Variants in FAM114A1 observed in about 807,000 individuals in gnomAD.
FAM114A1 encodes the protein protein NOXP20.
A neutral mutation model predicts 64.3 loss-of-function variants in FAM114A1; 62 were observed. The observed-to-expected ratio is 0.96, with a 90% CI of 0.79 to 1.19. The LOEUF (loss-of-function observed/expected upper bound fraction) is 1.19. FAM114A1 is among the 50% of genes most tolerant of loss of function. FAM114A1 has a pLI of 0.00. For synonymous variants in FAM114A1, 254 were observed against 251.1 expected, an observed-to-expected ratio of 1.01 and a Z score of -0.11; for missense variants, 645 against 676.3, an observed-to-expected ratio of 0.95 and a Z score of 0.51.
At chr4:38,882,219 G>A (rs1715347618) in intron 3 of FAM114A1, among the ~76,000 whole-genome samples, 1 of 143,604 alleles carries the variant, frequency 7.0e-6, no homozygotes, top group African/African-American at 2.6e-5. Context: ...GGCTGAGGCA[G>A]GAGAATGGCG....
At chr4:38,924,352 C>T (rs28590619) in intron 9 of FAM114A1, among the ~76,000 whole-genome samples, 29,109 of 152,158 alleles carry the variant, frequency 0.19, 3,050 homozygotes, top group Middle Eastern at 0.3. Flanking sequence ...TTATTATGCT[C>T]GTTGTTATTA....
In FAM114A1 at chr4:38,895,164, G is replaced by A. The variant is rs577213557; in HGVS notation, c.436+3334G>A. ...GCCCAGAGTCGAAGATGAGGCCAGT[G>A]GCTCTGCCAGCTGCTCAGCTGGCAC... On this transcript the variant is annotated intron_variant, in intron 4 of 14. Coordinates refer to ENST00000358869, the MANE Select transcript of FAM114A1 (RefSeq NM_138389.4). Among the ~76,000 whole-genome samples, 3 of 152,326 alleles carry A rather than the reference G, an allele frequency of 2.0e-5. No homozygotes were observed. The East Asian group carries it at 5.8e-4, about 29-fold the overall frequency.
chr4:38,879,990 C>T (rs1715045702), intron 3 of FAM114A1, among the ~76,000 whole-genome samples: 1 of 151,780 alleles, frequency 6.6e-6, no homozygotes, highest in African/African-American at 2.4e-5. Context: ...CACCTGAACC[C>T]AGGTGGTCAA....
chr4:38,890,369 C>T (rs1716217546), intron 3 of FAM114A1, among the ~76,000 whole-genome samples: 1 of 150,320 alleles, frequency 6.7e-6, no homozygotes, highest in Non-Finnish European at 1.5e-5. Flanking sequence ...CACCACTGCA[C>T]TCCAGCCTGG....
At chr4:38,889,752 C>G (rs922101900) in intron 3 of FAM114A1, among the ~76,000 whole-genome samples, 8 of 152,194 alleles carry the variant, frequency 5.3e-5, no homozygotes, top group Non-Finnish European at 1.0e-4. Context: ...GCATTTGAAT[C>G]AGTTAGGAAT....
intron 2 of FAM114A1, among the ~76,000 whole-genome samples, chr4:38,870,047 G>A (rs56088957): frequency 0.22 from 32,848 of 152,054 alleles, 4,227 homozygotes; most frequent in Non-Finnish European, 0.28. Flanking sequence ...CTTTACAGAG[G>A]AGCAGGTGTA....
At chr4:38,928,455 A>G (rs1411651348) in intron 9 of FAM114A1, among the ~76,000 whole-genome samples, 2 of 152,108 alleles carry the variant, frequency 1.3e-5, no homozygotes, top group Non-Finnish European at 2.9e-5. Flanking sequence ...TAATTTTTTT[A>G]TTTTATGATA....
intron 7 of FAM114A1, 149 bp from the exon 8 acceptor site, chr4:38,914,772 C>A (rs540828657): frequency 2.3e-4 from 193 of 843,704 alleles, no homozygotes; most frequent in Middle Eastern, 1.9e-3. Context: ...TAGGATCAAT[C>A]AAAAAAATCA....
intron 4 of FAM114A1, among the ~76,000 whole-genome samples, chr4:38,904,119 A>G (rs1717769514): frequency 6.6e-6 from 1 of 152,090 alleles, no homozygotes; most frequent in African/African-American, 2.4e-5. Context: ...GTTTTTCCTC[A>G]TATTACTGCC....
intron 8 of FAM114A1, among the ~76,000 whole-genome samples, chr4:38,915,382 C>A (rs754145067): frequency 6.6e-6 from 1 of 152,176 alleles, no homozygotes; most frequent in South Asian, 2.1e-4. Context: ...CCTCTGCCTC[C>A]CTTTGGTAAC....
chr4:38,891,085 GTCTC>G (rs1716322208), intron 3 of FAM114A1, among the ~76,000 whole-genome samples: 1 of 152,162 alleles, frequency 6.6e-6, no homozygotes, highest in South Asian at 2.1e-4. Flanking sequence ...CTGAACCACA[GTCTC>G]TCAGTTCCAA....
intron 3 of FAM114A1, among the ~76,000 whole-genome samples, 200 bp from the exon 4 acceptor site, chr4:38,891,543 G>GC (rs1254312920): frequency 6.6e-6 from 1 of 152,126 alleles, no homozygotes; most frequent in Non-Finnish European, 1.5e-5. Context: ...GCCAACATCA[G>GC]CACTAATCAA....
intron 3 of FAM114A1, 23 bp from the exon 4 acceptor site, chr4:38,891,720 G>A (rs953948201): frequency 3.8e-6 from 6 of 1,583,202 alleles, no homozygotes; most frequent in Non-Finnish European, 5.1e-6. Flanking sequence ...TTTCTGACCT[G>A]TGGCTAATTT....
chr4:38,912,446 G>A (rs137861707), intron 7 of FAM114A1, among the ~76,000 whole-genome samples: 165 of 152,180 alleles, frequency 1.1e-3, no homozygotes, highest in African/African-American at 3.6e-3. Context: ...GTGCAATGGC[G>A]CAATCTTGGC....
chr4:38,905,996 TAA>T, intron 6 of FAM114A1, 135 bp downstream of exon 6: 1 of 696,486 alleles, frequency 1.4e-6, no homozygotes, highest in Non-Finnish European at 2.3e-6. Context: ...GTTTTTTTTT[TAA>T]TGTTTTCTGC....
At chr4:38,930,014 C>G (rs1165227647) in intron 10 of FAM114A1, among the ~76,000 whole-genome samples, 1 of 152,106 alleles carries the variant, frequency 6.6e-6, no homozygotes, top group Non-Finnish European at 1.5e-5. Context: ...CACCAAGAGG[C>G]TTTTTTCAAA....
intron 3 of FAM114A1, among the ~76,000 whole-genome samples, chr4:38,890,274 G>A (rs962080040): frequency 1.3e-5 from 2 of 151,982 alleles, no homozygotes; most frequent in Admixed American, 6.6e-5. Context: ...GTGGTGGTGC[G>A]CAACTGTAGT....
chr4:38,922,032 C>G (rs994849082), intron 8 of FAM114A1, among the ~76,000 whole-genome samples: 2 of 152,162 alleles, frequency 1.3e-5, no homozygotes, highest in East Asian at 1.9e-4. Context: ...AACTCCGACT[C>G]CCTGGCTCAA....
intron 1 of FAM114A1, 142 bp downstream of exon 1, chr4:38,867,976 A>G: frequency 2.8e-6 from 1 of 362,946 alleles, no homozygotes; most frequent in Non-Finnish European, 5.6e-6. Context: ...GTTAGTGAGA[A>G]GCAGTGGTCA....
Sources: allele counts gnomAD v4.1 joint callset (sites outside exome capture counted in the v4.1 genomes callset), GRCh38; gene constraint gnomAD v4.1.1; transcripts MANE v1.5; gene names NCBI Gene and HGNC (gene_info 2026-07-23, HGNC 2026-07-21).